Variants in ZNF362 observed in about 807,000 individuals in gnomAD.
ZNF362 encodes zinc finger protein 362.
Under a neutral mutation model 42.9 loss-of-function variants are expected in ZNF362, and 11 were observed. The ratio of observed to expected loss-of-function variants is 0.26; its 90% confidence interval spans 0.16 to 0.42. ZNF362 has a LOEUF of 0.42. ZNF362 is among the 20% of genes least tolerant of loss of function. The pLI, the probability that ZNF362 is intolerant of heterozygous loss-of-function variation, is 1.00. For synonymous variants in ZNF362, 255 were observed against 257.3 expected (o/e 0.99, Z 0.09); for missense variants, 362 against 576.2 (o/e 0.63, Z 3.81).
intron 6 of ZNF362, among the ~76,000 whole-genome samples, chr1:33,291,445 T>C (rs1468527070): frequency 4.6e-5 from 7 of 152,178 alleles, no homozygotes; most frequent in Non-Finnish European, 8.8e-5. Flanking sequence ...GGTACCAGTA[T>C]CATGCTGTTT....
chr1:33,255,245 T>C (rs75868970), upstream of ZNF362, among the ~76,000 whole-genome samples: 6,997 of 152,334 alleles, frequency 0.046, 239 homozygotes, highest in Non-Finnish European at 0.069. Context: ...ATAGCTGTGC[T>C]CCAGCCAACC....
chr1:33,236,576 T>TATATATATATATAC, the ZNF362 span, among the ~76,000 whole-genome samples: 2 of 97,894 alleles, frequency 2.0e-5, no homozygotes, highest in East Asian at 7.8e-4. Flanking sequence ...TATATATACA[T>TATATATATATATAC]ACACACACAC....
chr1:33,265,347 G>A (rs1177176178), intron 1 of ZNF362, among the ~76,000 whole-genome samples: 1 of 151,958 alleles, frequency 6.6e-6, no homozygotes, highest in South Asian at 2.1e-4. Flanking sequence ...ACAGTGAGGG[G>A]AAGGGGCAGG....
At chr1:33,230,353 C>T in the ZNF362 span, among the ~76,000 whole-genome samples, 1 of 152,148 alleles carries the variant, frequency 6.6e-6, no homozygotes, top group Admixed American at 6.5e-5. Flanking sequence ...CGCACCAACT[C>T]ATGGAATCCT....
At chr1:33,219,776 C>T in the ZNF362 span, among the ~76,000 whole-genome samples, 1 of 152,164 alleles carries the variant, frequency 6.6e-6, no homozygotes. Context: ...AGCCTGACCT[C>T]TCCCCATCTC....
Position 33,292,116 on chromosome 1 carries a change from T to C in ZNF362, c.909-2821T>C, listed in dbSNP as rs1485885799. On this transcript the variant is annotated intron_variant, in intron 6 of 8. Transcript: ENST00000539719. ...CTTCCAACACTATGTTGAATAGGAG[T>C]GGTGAGAGAGGGCATCCCTGTCTTG... Among the ~76,000 whole-genome samples, 15 of 152,172 alleles carry C rather than the reference T, an allele frequency of 9.9e-5. No homozygotes were observed. The East Asian group carries it at 2.9e-3, about 29-fold the overall frequency.
chr1:33,136,864 G>A, the ZNF362 span, among the ~76,000 whole-genome samples: 82 of 152,000 alleles, frequency 5.4e-4, no homozygotes, highest in African/African-American at 1.8e-3. Flanking sequence ...GGGCGTGGTG[G>A]TGCGTGCTTG....
At chr1:33,278,809 G>A (rs1245076287) in intron 4 of ZNF362, among the ~76,000 whole-genome samples, 2 of 152,122 alleles carry the variant, frequency 1.3e-5, no homozygotes, top group African/African-American at 4.8e-5. Flanking sequence ...CATCGATCTT[G>A]TTTTAGTGGC....
chr1:33,242,762 C>G, the ZNF362 span, among the ~76,000 whole-genome samples: 4 of 152,186 alleles, frequency 2.6e-5, no homozygotes, highest in Non-Finnish European at 5.9e-5. Context: ...ACTCTCTGCT[C>G]CTGGTTCAGA....
the ZNF362 span, among the ~76,000 whole-genome samples, chr1:33,249,885 C>T: frequency 6.6e-6 from 1 of 152,134 alleles, no homozygotes; most frequent in Non-Finnish European, 1.5e-5. Context: ...TATTTGCATC[C>T]TTAATTTGCA....
the ZNF362 span, among the ~76,000 whole-genome samples, chr1:33,214,487 G>A: frequency 2.7e-4 from 41 of 152,042 alleles, no homozygotes; most frequent in African/African-American, 8.4e-4. Flanking sequence ...AAGCAAAAAC[G>A]GACAAATGAG....
chr1:33,176,153 C>T, the ZNF362 span, among the ~76,000 whole-genome samples: 1 of 152,210 alleles, frequency 6.6e-6, no homozygotes, highest in African/African-American at 2.4e-5. Context: ...ACACAGACAA[C>T]CCAGCTGCCT....
the ZNF362 span, among the ~76,000 whole-genome samples, chr1:33,167,187 G>A: frequency 3.3e-5 from 5 of 152,090 alleles, no homozygotes; most frequent in African/African-American, 7.2e-5. This position sits in a 1 kb window ranked among gnomAD's most constrained non-coding sequence, Gnocchi z 4.2. Flanking sequence ...TTGCCTGACC[G>A]CCCCACGCAC....
chr1:33,233,277 T>C, the ZNF362 span, among the ~76,000 whole-genome samples: 472 of 152,360 alleles, frequency 3.1e-3, 15 homozygotes, highest in East Asian at 0.08. Flanking sequence ...CTACAGTTCA[T>C]TCTTTAGGCA....
chr1:33,238,077 TG>T, the ZNF362 span, among the ~76,000 whole-genome samples: 2 of 152,208 alleles, frequency 1.3e-5, no homozygotes, highest in East Asian at 3.9e-4. Context: ...CCAGCACCTT[TG>T]GGAGGCCAAG....
upstream of ZNF362, chr1:33,256,453 G>GCCA: frequency 6.3e-6 from 1 of 157,816 alleles, no homozygotes; most frequent in Non-Finnish European, 1.2e-5. Flanking sequence ...CCAGCCTCCC[G>GCCA]CCGCCGCCGC....
At chr1:33,245,304 G>A in the ZNF362 span, among the ~76,000 whole-genome samples, 1 of 152,154 alleles carries the variant, frequency 6.6e-6, no homozygotes, top group Non-Finnish European at 1.5e-5. Context: ...AGAAAGGATT[G>A]GAGTTAGTTA....
Position 33,280,876 on chromosome 1 carries a change from C to T in ZNF362, c.683+419C>T, listed in dbSNP as rs956131020. On this transcript the variant is annotated intron_variant, in intron 5 of 8. Transcript: ENST00000539719. This position sits in a 1 kb window ranked among gnomAD's most constrained non-coding sequence, Gnocchi z 5.6. ...CTGCGGTCAGGAGTTTGAGACCAGC[C>T]TGGCCAGCATGGTGAAACCTCGTCT... Among the ~76,000 whole-genome samples, 5 of 152,192 alleles carry T rather than the reference C, an allele frequency of 3.3e-5. No individual in the cohort carries two copies. Among genetic ancestry groups the T allele is most frequent in the Non-Finnish European group, 1.5e-5 (1 of 68,026 alleles).
At chr1:33,182,613 TG>T in the ZNF362 span, among the ~76,000 whole-genome samples, 19 of 151,642 alleles carry the variant, frequency 1.3e-4, no homozygotes, top group African/African-American at 4.6e-4. Context: ...TGTGTGTGTG[TG>T]TGTGTGTGTG....
Sources: allele counts gnomAD v4.1 joint callset (sites outside exome capture counted in the v4.1 genomes callset), GRCh38; gene constraint gnomAD v4.1.1; non-coding constraint Gnocchi (gnomAD v3.1); transcripts MANE v1.5; gene names NCBI Gene and HGNC (gene_info 2026-07-23, HGNC 2026-07-21).